The following APBA2 variants were observed in gnomAD, a reference collection of about 807,000 sequenced individuals.
APBA2 encodes the protein amyloid-beta A4 precursor protein-binding family A member 2.
A neutral mutation model predicts 75.0 loss-of-function variants in APBA2; 30 were observed. That is an observed-to-expected ratio of 0.40 (90% CI 0.30 to 0.54). APBA2 has a LOEUF of 0.54. Among genes scored for constraint, APBA2 ranks in the 20% least tolerant of loss-of-function variants. The pLI, the probability that APBA2 is intolerant of heterozygous loss-of-function variation, is 0.49. For missense variants in APBA2, 801 were observed against 1,016.1 expected (o/e 0.79, Z 2.88); for synonymous variants, 444 against 409.6 (o/e 1.08, Z -1.01).
chr15:29,055,025 C>T (rs896401740), intron 4 of APBA2, among the ~76,000 whole-genome samples, 190 bp downstream of exon 4: 3 of 152,170 alleles, frequency 2.0e-5, no homozygotes, highest in Non-Finnish European at 4.4e-5. Flanking sequence ...CACTCTTAAG[C>T]TCACCGCTCA....
intron 2 of APBA2, among the ~76,000 whole-genome samples, chr15:28,961,834 G>A (rs974153170): frequency 2.6e-5 from 4 of 152,278 alleles, no homozygotes; most frequent in South Asian, 2.1e-4. Flanking sequence ...GATCCCGGAC[G>A]TTAGTATTTT....
At chr15:29,075,093 G>A (rs1274709112) in intron 5 of APBA2, 92 bp downstream of exon 5, 1 of 984,402 alleles carries the variant, frequency 1.0e-6, no homozygotes, top group African/African-American at 1.6e-5. Context: ...CTTTGTCCAT[G>A]ATGTTCTCAT....
intron 2 of APBA2, among the ~76,000 whole-genome samples, chr15:28,937,915 C>T (rs369353516): frequency 9.2e-5 from 14 of 152,184 alleles, no homozygotes; most frequent in African/African-American, 2.7e-4. Flanking sequence ...CCTCGGCCTC[C>T]CAAAGTGCTG....
At chr15:29,057,295 C>G (rs1355662361) in intron 4 of APBA2, among the ~76,000 whole-genome samples, 1 of 152,206 alleles carries the variant, frequency 6.6e-6, no homozygotes, top group Non-Finnish European at 1.5e-5. Context: ...ATGCCACATT[C>G]CAGCTGTGAT....
intron 2 of APBA2, among the ~76,000 whole-genome samples, chr15:28,939,569 A>G (rs2035072043): frequency 6.6e-6 from 1 of 152,060 alleles, no homozygotes; most frequent in African/African-American, 2.4e-5. Context: ...CCTTTTTTAA[A>G]TGGTACTATC....
Position 28,948,747 on chromosome 15 carries a change from C to A in APBA2, c.-95+26998C>A, listed in dbSNP as rs548604250. Among the ~76,000 whole-genome samples, 4 of 152,230 alleles carry A rather than the reference C, an allele frequency of 2.6e-5. No individual in the cohort carries two copies. The South Asian group carries it at 8.3e-4, about 32-fold the overall frequency. ...TGCCCTGCGGTTGTGGTTTTTAGGG[C>A]CTTGCGGCGGCATCTTTGCTAGTGC... On this transcript the variant is annotated intron_variant, in intron 2 of 14. Coordinates refer to ENST00000683413, the MANE Select transcript of APBA2 (RefSeq NM_001353788.2).
intron 2 of APBA2, among the ~76,000 whole-genome samples, chr15:28,972,737 C>G (rs1468021160): frequency 6.6e-6 from 1 of 152,154 alleles, no homozygotes; most frequent in Non-Finnish European, 1.5e-5. Flanking sequence ...AATGGTCTGC[C>G]CTGGTTGCAG....
At position 29,069,026 on chromosome 15, in the gene APBA2, C is replaced by T. The variant is rs181343071; in HGVS notation, c.952-5895C>T. Among the ~76,000 whole-genome samples the T allele has an allele frequency of 9.9e-5, 15 of 152,278 alleles. No homozygotes were observed. The South Asian group carries it at 1.5e-3, about 15-fold the overall frequency. ...AGCAGTCACTCCCCATTCTTCCCTC[C>T]GCCCCCAGCCCCCACAGTGAAAAAT... On this transcript the variant is annotated intron_variant, in intron 4 of 14. Coordinates refer to ENST00000683413, the MANE Select transcript of APBA2 (RefSeq NM_001353788.2).
At chr15:29,097,720 A>G (rs555051879) in intron 8 of APBA2, among the ~76,000 whole-genome samples, 1 of 152,330 alleles carries the variant, frequency 6.6e-6, no homozygotes, top group African/African-American at 2.4e-5. Context: ...AAATATTATT[A>G]ACGGTAGTCA....
chr15:28,897,386 C>T (rs540527066), intron 1 of APBA2, among the ~76,000 whole-genome samples: 7 of 152,102 alleles, frequency 4.6e-5, no homozygotes, highest in African/African-American at 1.2e-4. Context: ...GAAGCTGAGG[C>T]GGGTGGATCA....
In APBA2 at chr15:29,118,174, A is replaced by ATACAC; in HGVS notation, c.*1043_*1047dup. 1 of 152,672 alleles carries ATACAC rather than the reference A, an allele frequency of 6.5e-6. No individual in the cohort carries two copies. Among genetic ancestry groups the ATACAC allele is most frequent in the East Asian group, 1.9e-4 (1 of 5,190 alleles). The allele number at this position is 152,672 out of a possible 1,614,324, so 9.5% of individuals were successfully genotyped here. A position where few individuals can be genotyped will look rare whatever the true frequency, so the allele number is the denominator to read the frequency against. On this transcript the variant is annotated 3_prime_UTR_variant, in exon 15 of 15. Coordinates refer to ENST00000683413, the MANE Select transcript of APBA2 (RefSeq NM_001353788.2). ...CTTTTTTTGGCCCAGGCCTTGAAGA[A>ATACAC]TACACTGTGACTTAAGAAGCCTTAC... is the stretch of plus-strand genomic sequence containing the variant.
chr15:28,898,992 A>G (rs1011896097), intron 1 of APBA2, among the ~76,000 whole-genome samples: 2 of 152,256 alleles, frequency 1.3e-5, no homozygotes, highest in African/African-American at 2.4e-5. Flanking sequence ...TCTGCATATA[A>G]AAGAAGCTGT....
At chr15:28,940,161 C>T (rs923976470) in intron 2 of APBA2, among the ~76,000 whole-genome samples, 1 of 151,862 alleles carries the variant, frequency 6.6e-6, no homozygotes, top group African/African-American at 2.4e-5. Flanking sequence ...AGGACCTTGA[C>T]CAGGATTTTC....
chr15:29,048,073 G>C (rs2041425734), intron 3 of APBA2, among the ~76,000 whole-genome samples: 1 of 152,168 alleles, frequency 6.6e-6, no homozygotes, highest in Non-Finnish European at 1.5e-5. Flanking sequence ...TGAGGCCGGG[G>C]CACGGTGGCT....
intron 2 of APBA2, among the ~76,000 whole-genome samples, chr15:28,925,043 A>G (rs1246040935): frequency 6.6e-6 from 1 of 152,072 alleles, no homozygotes; most frequent in Non-Finnish European, 1.5e-5. Flanking sequence ...ATCAAGCTGA[A>G]GATGGTCTCT....
intron 3 of APBA2, among the ~76,000 whole-genome samples, chr15:29,029,394 T>C (rs570199786): frequency 6.6e-6 from 1 of 152,124 alleles, no homozygotes; most frequent in Non-Finnish European, 1.5e-5. Flanking sequence ...AATTTGGCCA[T>C]ATCCCCTAGT....
chr15:28,963,745 A>C (rs888088919), intron 2 of APBA2, among the ~76,000 whole-genome samples: 1 of 152,226 alleles, frequency 6.6e-6, no homozygotes, highest in East Asian at 1.9e-4. Flanking sequence ...GGTTGCAAAG[A>C]AATATTCAAG....
chr15:29,064,244 G>A (rs2042278268), intron 4 of APBA2, among the ~76,000 whole-genome samples: 1 of 152,072 alleles, frequency 6.6e-6, no homozygotes. Flanking sequence ...CTTAACCTTG[G>A]GCACCTTTTT....
rs144002773 is a variant in APBA2 at position 29,069,811 on chromosome 15, G to C, written c.952-5110G>C. On this transcript the variant is annotated intron_variant, in intron 4 of 14. Transcript: ENST00000683413. Reference sequence around the variant, plus strand: ...GCCTGGCCATGTGGGCCCACCTTTGGATGGTACTTGACAAAGCCTCAAAAT... The same window carrying C: ...GCCTGGCCATGTGGGCCCACCTTTGCATGGTACTTGACAAAGCCTCAAAAT... Among the ~76,000 whole-genome samples the C allele has an allele frequency of 7.7e-4, 118 of 152,380 alleles. 1 individual carries two copies. The East Asian group carries it at 0.011, about 14-fold the overall frequency.
Sources: gnomAD v4.1 joint callset for allele counts (sites outside exome capture counted in the v4.1 genomes callset) on GRCh38, gnomAD v4.1.1 for gene constraint, MANE v1.5 for transcripts, NCBI Gene and HGNC (gene_info 2026-07-23, HGNC 2026-07-21) for gene names.